The following NCAM1 variants were observed in gnomAD, a reference collection of about 807,000 sequenced individuals.
NCAM1 encodes the protein antigen recognized by monoclonal antibody 5.1H11.
A neutral mutation model predicts 109.8 loss-of-function variants in NCAM1; 14 were observed. That is an observed-to-expected ratio of 0.13 (90% CI 0.08 to 0.20). NCAM1 has a LOEUF of 0.20. Among genes scored for constraint, NCAM1 ranks in the 10% least tolerant of loss-of-function variants. NCAM1 has a pLI of 1.00. For synonymous variants in NCAM1, 418 were observed against 442.9 expected, an observed-to-expected ratio of 0.94 and a Z score of 0.70; for missense variants, 774 against 1,109.9, an observed-to-expected ratio of 0.70 and a Z score of 4.30.
intron 1 of NCAM1, among the ~76,000 whole-genome samples, chr11:113,166,002 T>C (rs1942783984): frequency 7.2e-6 from 1 of 138,580 alleles, no homozygotes; most frequent in Non-Finnish European, 1.5e-5. Context: ...TTTTTATTTT[T>C]ACTTATTTTT....
chr11:113,177,527 G>A lies in NCAM1; in HGVS notation c.53-24852G>A, dbSNP rs142821115. Among the ~76,000 whole-genome samples, 1,212 of 152,166 alleles carry A rather than the reference G, an allele frequency of 8.0e-3. 19 individuals are homozygous for A. Among genetic ancestry groups the A allele is most frequent in the African/African-American group, 0.028 (1,166 of 41,504 alleles). On this transcript the variant is annotated intron_variant, in intron 1 of 19. Coordinates refer to ENST00000316851, the MANE Select transcript of NCAM1 (RefSeq NM_181351.5). ...CAGCTCACTGCAACCTCTGCCTCCCGGGTTCAAGTGATTCTCCTGCCTCAG... is the reference window on the plus strand; with the variant it reads ...CAGCTCACTGCAACCTCTGCCTCCCAGGTTCAAGTGATTCTCCTGCCTCAG...
At chr11:113,064,718 A>G (rs1002425559) in intron 1 of NCAM1, among the ~76,000 whole-genome samples, 1 of 152,204 alleles carries the variant, frequency 6.6e-6, no homozygotes, top group Non-Finnish European at 1.5e-5. Flanking sequence ...AAGTCAGCAA[A>G]TTCTCATGGA....
chr11:113,243,723 A>G (rs1045155685), intron 14 of NCAM1: 2 of 345,734 alleles, frequency 5.8e-6, no homozygotes, highest in African/African-American at 2.1e-5. Context: ...AGATTTTATA[A>G]TATTTCTGCT....
chr11:113,071,822 T>C (rs1441545306), intron 1 of NCAM1, among the ~76,000 whole-genome samples: 3 of 152,188 alleles, frequency 2.0e-5, no homozygotes, highest in Non-Finnish European at 4.4e-5. Context: ...ACTGTTTTCA[T>C]TGGTAACTCT....
chr11:113,109,245 G>A (rs1211133669), intron 1 of NCAM1, among the ~76,000 whole-genome samples: 1 of 151,496 alleles, frequency 6.6e-6, no homozygotes, highest in East Asian at 2.0e-4. Context: ...CTACTCAGGA[G>A]GCTGAGGCAT....
intron 1 of NCAM1, among the ~76,000 whole-genome samples, chr11:112,993,680 ATTAAG>A (rs1192622292): frequency 5.9e-5 from 9 of 152,190 alleles, no homozygotes; most frequent in South Asian, 2.1e-4. Context: ...TTTATCCATA[ATTAAG>A]TTATCAGTGA....
Position 113,101,694 on chromosome 11 carries a change from A to C in NCAM1, c.53-100685A>C, listed in dbSNP as rs367702703. On this transcript the variant is annotated intron_variant, in intron 1 of 19. Coordinates refer to ENST00000316851, the MANE Select transcript of NCAM1 (RefSeq NM_181351.5). ...TCAAAACTTTAGGAATAATTTTATT[A>C]AGTAAGAATAGTTAACACCTGCAGT... Among the ~76,000 whole-genome samples the C allele has an allele frequency of 2.0e-5, 3 of 152,208 alleles. 1 individual carries two copies. Among genetic ancestry groups the C allele is most frequent in the East Asian group, 3.8e-4 (2 of 5,200 alleles).
chr11:113,182,280 C>T (rs1555108103), intron 1 of NCAM1, among the ~76,000 whole-genome samples: 1 of 152,156 alleles, frequency 6.6e-6, no homozygotes, highest in Non-Finnish European at 1.5e-5. Flanking sequence ...CCAGGGACGA[C>T]TGGTAATGCA....
chr11:113,093,840 T>C (rs533044483), intron 1 of NCAM1, among the ~76,000 whole-genome samples: 3 of 152,314 alleles, frequency 2.0e-5, no homozygotes, highest in Non-Finnish European at 4.4e-5. Flanking sequence ...AGGAATGGCC[T>C]CCCATCCCTG....
chr11:113,162,973 G>A (rs1942651800), intron 1 of NCAM1, among the ~76,000 whole-genome samples: 1 of 152,100 alleles, frequency 6.6e-6, no homozygotes, highest in South Asian at 2.1e-4. Flanking sequence ...AATTACTAAC[G>A]CCCTCTCCAT....
chr11:113,055,069 A>G (rs1478443398), intron 1 of NCAM1, among the ~76,000 whole-genome samples: 1 of 152,222 alleles, frequency 6.6e-6, no homozygotes, highest in Admixed American at 6.5e-5. Flanking sequence ...TTGCTGGCGC[A>G]TGAAGCACAT....
intron 1 of NCAM1, among the ~76,000 whole-genome samples, chr11:113,100,966 A>G (rs1268131310): frequency 2.0e-5 from 3 of 152,124 alleles, no homozygotes; most frequent in Non-Finnish European, 2.9e-5. Context: ...GGTCCTTTAC[A>G]CAACTCTGAG....
chr11:113,000,819 T>C (rs1301685601), intron 1 of NCAM1, among the ~76,000 whole-genome samples: 1 of 19,074 alleles, frequency 5.2e-5, no homozygotes, highest in Non-Finnish European at 7.9e-5. Flanking sequence ...TATATATACA[T>C]ATATATATAT....
At chr11:113,059,250 T>C (rs782690663) in intron 1 of NCAM1, among the ~76,000 whole-genome samples, 9 of 152,332 alleles carry the variant, frequency 5.9e-5, no homozygotes, top group Middle Eastern at 3.4e-3. Flanking sequence ...TTTAAATCTT[T>C]TAAGGATCTA....
chr11:112,974,650 T>C (rs1175104013), intron 1 of NCAM1, among the ~76,000 whole-genome samples: 3 of 152,086 alleles, frequency 2.0e-5, no homozygotes, highest in Admixed American at 1.3e-4. Context: ...TTAATTCTCC[T>C]ATTTTCAGTA....
intron 1 of NCAM1, among the ~76,000 whole-genome samples, chr11:113,147,250 A>T (rs1421581819): frequency 6.6e-6 from 1 of 152,232 alleles, no homozygotes; most frequent in East Asian, 1.9e-4. Flanking sequence ...TTACCCCAGC[A>T]GTGTTCTTAA....
At chr11:113,099,661 G>A (rs1555091144) in intron 1 of NCAM1, among the ~76,000 whole-genome samples, 1 of 152,128 alleles carries the variant, frequency 6.6e-6, no homozygotes, top group Non-Finnish European at 1.5e-5. Context: ...TGCGAAGCTT[G>A]CTTCAAGGGC....
chr11:113,178,677 A>G (rs1325321954), intron 1 of NCAM1, among the ~76,000 whole-genome samples: 3 of 152,220 alleles, frequency 2.0e-5, no homozygotes, highest in Non-Finnish European at 2.9e-5. Flanking sequence ...AGCTCATTGC[A>G]AAAAGAAAGA....
intron 17 of NCAM1, among the ~76,000 whole-genome samples, chr11:113,268,228 T>C (rs1313964700): frequency 1.3e-5 from 2 of 152,238 alleles, no homozygotes; most frequent in Non-Finnish European, 2.9e-5. Flanking sequence ...TTTGTTCTTA[T>C]GAGACTAACC....
Sources: allele counts gnomAD v4.1 joint callset (sites outside exome capture counted in the v4.1 genomes callset), GRCh38; gene constraint gnomAD v4.1.1; transcripts MANE v1.5; gene names NCBI Gene and HGNC (gene_info 2026-07-23, HGNC 2026-07-21).